CDH15: variants seen among roughly 807,000 people sequenced by gnomAD.
The protein encoded by CDH15 is cadherin-15.
A neutral mutation model predicts 69.4 loss-of-function variants in CDH15; 73 were observed. That is an observed-to-expected ratio of 1.05 (90% CI 0.87 to 1.28). The LOEUF (loss-of-function observed/expected upper bound fraction) is 1.28. CDH15 is among the 50% of genes most tolerant of loss of function. The pLI is 0.00. For synonymous variants in CDH15, 624 were observed against 507.7 expected (o/e 1.23, Z -3.08); for missense variants, 1,343 against 1,133.6 (o/e 1.18, Z -2.65).
chr16:89,177,573 G>T (rs1371854849), intron 1 of CDH15, among the ~76,000 whole-genome samples: 1 of 152,064 alleles, frequency 6.6e-6, no homozygotes, highest in Non-Finnish European at 1.5e-5. Context: ...GGGCACAGGG[G>T]ACGGGGAGAG....
At chr16:89,186,645 G>A (rs1439154396) in intron 5 of CDH15, among the ~76,000 whole-genome samples, 3 of 126,720 alleles carry the variant, frequency 2.4e-5, no homozygotes, top group Non-Finnish European at 3.3e-5. Flanking sequence ...CTCACCCAGC[G>A]CACAGTAGGT....
In CDH15 at chr16:89,194,877, G is replaced by A. The variant is rs757698021; in HGVS notation, c.2167G>A (p.Asp723Asn). 2.5e-6 allele frequency: 4 copies of A among 1,605,736 alleles called. No individual in the cohort carries two copies. Among genetic ancestry groups the A allele is most frequent in the Admixed American group, 3.4e-5 (2 of 59,446 alleles). Reference sequence around the variant, plus strand: ...CTCTTTATAGGGCTTGGAGGCTGCAGATAGTGACCCCAGTGTGCCGCCTTA... The same window carrying A: ...CTCTTTATAGGGCTTGGAGGCTGCAAATAGTGACCCCAGTGTGCCGCCTTA... ...DFINDGLEAA[D>N]SDPSVPPYDT... Residue 723 changes from aspartate to asparagine, a missense_variant, in exon 14 of 14, where the codon GAT becomes AAT. Asp to Asn is a conservative substitution (Grantham distance 23). Coordinates refer to ENST00000289746, the MANE Select transcript of CDH15 (RefSeq NM_004933.3).
At chr16:89,174,148 CT>C (rs1300700826) in intron 1 of CDH15, among the ~76,000 whole-genome samples, 5 of 152,246 alleles carry the variant, frequency 3.3e-5, no homozygotes, top group African/African-American at 1.2e-4. Flanking sequence ...CTCCATGCCT[CT>C]TCTTCCACAT....
chr16:89,192,089 G>T, intron 10 of CDH15, 116 bp from the exon 11 acceptor site: 1 of 1,353,598 alleles, frequency 7.4e-7, no homozygotes, highest in South Asian at 1.4e-5. Context: ...GACGGTGGGG[G>T]TGGGGGGGAC....
Position 89,185,317 on chromosome 16 carries a change from T to A in CDH15, c.647T>A (p.Val216Glu), listed in dbSNP as rs1333081533. The stretch of plus-strand genomic sequence containing the variant: ...ACAGGAGAGATCCGCACAGTGCAAG[T>A]GGGGCTGGACCGCGAGGTGAGGTGG... ...ELTGEIRTVQ[V>E]GLDREVVAVY... Residue 216 changes from valine (V) to glutamate (E), a missense_variant, in exon 5 of 14, where the codon GTG becomes GAG. By Grantham distance (121) the Val-to-Glu change is moderately radical. Transcript: ENST00000289746. The A allele has an allele frequency of 6.2e-7, 1 of 1,603,928 alleles. No homozygotes were observed. The highest frequency in any genetic ancestry group is 8.5e-7 in the Non-Finnish European group (1 of 1,175,732).
intron 1 of CDH15, among the ~76,000 whole-genome samples, chr16:89,172,633 G>A (rs1284768066): frequency 6.6e-6 from 1 of 152,170 alleles, no homozygotes; most frequent in Non-Finnish European, 1.5e-5. Flanking sequence ...AAGCCAGAGT[G>A]GAAGGAAGCC....
chr16:89,175,246 T>G (rs181100887), intron 1 of CDH15, among the ~76,000 whole-genome samples: 1 of 152,238 alleles, frequency 6.6e-6, no homozygotes, highest in East Asian at 1.9e-4. Flanking sequence ...TGGCCCAGGT[T>G]TGGTGGCAGC....
chr16:89,186,956 G>A (rs547401935), intron 5 of CDH15, among the ~76,000 whole-genome samples: 4 of 146,372 alleles, frequency 2.7e-5, no homozygotes, highest in East Asian at 4.1e-4. Context: ...CTCTGTAAAC[G>A]CTTACCCAGC....
Position 89,195,414 on chromosome 16 carries a change from A to G in CDH15, c.*259A>G. ...CCTAGTCCCACCTTTGCCTCCTACC[A>G]GTGAACCTCATCTTTGTATGAAAGA... is the stretch of plus-strand genomic sequence containing the variant. On this transcript the variant is annotated 3_prime_UTR_variant, in exon 14 of 14. Coordinates refer to ENST00000289746, the MANE Select transcript of CDH15 (RefSeq NM_004933.3). 1 of 528,036 alleles carries G rather than the reference A, an allele frequency of 1.9e-6. No individual in the cohort carries two copies. The highest frequency in any genetic ancestry group is 3.4e-6 in the Non-Finnish European group (1 of 297,466). The allele number at this position is 528,036 out of a possible 1,614,324, so 32.7% of individuals were successfully genotyped here.
intron 7 of CDH15, among the ~76,000 whole-genome samples, chr16:89,189,788 C>G (rs1915596396): frequency 6.6e-6 from 1 of 152,266 alleles, no homozygotes; most frequent in Non-Finnish European, 1.5e-5. Flanking sequence ...GAAATTGGCT[C>G]ATGCGGTGCT....
rs1424943974 is a variant in CDH15 at position 89,191,914 on chromosome 16, GCGCTCCCCCCATCCCCA to G, written c.1615+32_1615+48del. 1.4e-5 allele frequency: 21 copies of G among 1,533,230 alleles called. No homozygotes were observed. The highest frequency in any genetic ancestry group is 2.4e-5 in the East Asian group (1 of 41,166). 95.0% of individuals were successfully genotyped at this position (1,533,230 alleles called of 1,614,324 possible). A position where few individuals can be genotyped will look rare whatever the true frequency, so the allele number is the denominator to read the frequency against. On this transcript the variant is annotated intron_variant, in intron 10 of 13. Coordinates refer to ENST00000289746, the MANE Select transcript of CDH15 (RefSeq NM_004933.3). ...TCAACGGTGCGCTCCCCTCACCGCC[GCGCTCCCCCCATCCCCA>G]CGCTCCCCCCACCCCCACATTCCGG...
At chr16:89,178,490 G>A (rs936775266) in intron 1 of CDH15, among the ~76,000 whole-genome samples, 3 of 152,126 alleles carry the variant, frequency 2.0e-5, no homozygotes, top group Admixed American at 2.0e-4. Context: ...GAGTGAGGCT[G>A]GGGGTGGGGC....
At position 89,191,776 on chromosome 16, in the gene CDH15, A is replaced by G; in HGVS notation, c.1497A>G (p.Pro499=). 6.2e-7 allele frequency: 1 copy of G among 1,606,444 alleles called. No individual in the cohort carries two copies. ...GSLCSEPHQG[P]GLLLGATDED... Reference sequence around the variant, plus strand: ...TGTGCAGCGAGCCACACCAAGGCCCAGGCCTCCTCCTGGGCGCCACGGATG... The same window carrying G: ...TGTGCAGCGAGCCACACCAAGGCCCGGGCCTCCTCCTGGGCGCCACGGATG... The change falls in exon 10 of 14, where the codon CCA becomes CCG. Residue 499 remains proline, a synonymous_variant. Transcript: ENST00000289746.
chr16:89,186,457 A>T (rs77599538), intron 5 of CDH15, among the ~76,000 whole-genome samples: 904 of 55,940 alleles, frequency 0.016, 2 homozygotes, highest in South Asian at 0.028. Flanking sequence ...CAGCGCACAG[A>T]AGGTGCTCTG....
intron 1 of CDH15, among the ~76,000 whole-genome samples, chr16:89,175,542 C>T (rs1015846233): frequency 6.6e-6 from 1 of 152,182 alleles, no homozygotes; most frequent in African/African-American, 2.4e-5. Flanking sequence ...CCACAGGCTC[C>T]CGGGGGGTTG....
chr16:89,188,298 C>T lies in CDH15; in HGVS notation c.978+13C>T, dbSNP rs528260075. ...GTCCATTGTGAAGGTGAGCGGCCCC[C>T]GGCTGGCACACAGATGCCGGCAGAC... On this transcript the variant is annotated intron_variant, in intron 7 of 13. Transcript: ENST00000289746. 32 of 1,610,692 alleles carry T rather than the reference C, an allele frequency of 2.0e-5. No individual in the cohort carries two copies. Among genetic ancestry groups the T allele is most frequent in the African/African-American group, 1.7e-4 (13 of 75,010 alleles).
chr16:89,180,144 A>C lies in CDH15; in HGVS notation c.202-56A>C, dbSNP rs1915343046. On this transcript the variant is annotated intron_variant, in intron 2 of 13. Coordinates refer to ENST00000289746, the MANE Select transcript of CDH15 (RefSeq NM_004933.3). ...GGGAGGGGCCTGAGGGGCTGCAGAGAGGGCAGAGGCCCCCGCCCGGAGCAG... is the reference window on the plus strand; with the variant it reads ...GGGAGGGGCCTGAGGGGCTGCAGAGCGGGCAGAGGCCCCCGCCCGGAGCAG... The C allele has an allele frequency of 3.8e-6, 6 of 1,590,202 alleles. No homozygotes were observed. In the East Asian group the frequency reaches 1.4e-4, roughly 36 times the overall value.
rs565174129 is a variant in CDH15, at chr16:89,190,214, G to A, written c.979-29G>A. 181 of 1,607,564 alleles carry A rather than the reference G, an allele frequency of 1.1e-4. No individual in the cohort carries two copies. In the East Asian group the frequency reaches 1.3e-3, roughly 11 times the overall value. On this transcript the variant is annotated intron_variant, in intron 7 of 13. Transcript: ENST00000289746. ...TCGGGTGCCCACACTTGCGTTGGGC[G>A]GATGACGGGCTGTGCTTCCTTCCCT...
rs765474585 is a variant in CDH15, at chr16:89,194,987, G to A, written c.2277G>A (p.Glu759=). 8.1e-6 allele frequency: 13 copies of A among 1,611,686 alleles called. No homozygotes were observed. Among genetic ancestry groups the A allele is most frequent in the African/African-American group, 1.3e-5 (1 of 74,900 alleles). ...CCATCCTGTCCAGCCAGGGCGATGAGGACCAGGACTACGACTACCTCAGAG... is the reference window on the plus strand; with the variant it reads ...CCATCCTGTCCAGCCAGGGCGATGAAGACCAGGACTACGACTACCTCAGAG... ...LSSILSSQGD[E]DQDYDYLRDW... The change falls in exon 14 of 14, where the codon GAG becomes GAA. Residue 759 remains glutamate (E), a synonymous_variant. Transcript: ENST00000289746.
Sources: gnomAD v4.1 joint callset for allele counts (sites outside exome capture counted in the v4.1 genomes callset) on GRCh38, gnomAD v4.1.1 for gene constraint, MANE v1.5 for transcripts, NCBI Gene and HGNC (gene_info 2026-07-23, HGNC 2026-07-21) for gene names.